Variants in DPP6 observed in about 807,000 individuals in gnomAD.
DPP6 encodes the protein dipeptidyl peptidase like 6.
A neutral mutation model predicts 122.6 loss-of-function variants in DPP6; 69 were observed. The ratio of observed to expected loss-of-function variants is 0.56; its 90% CI spans 0.46 to 0.69. The LOEUF is 0.69. Ranked by LOEUF, DPP6 falls within the 30% of genes least tolerant of loss-of-function variation. The pLI is 0.00. For synonymous variants in DPP6, 418 were observed against 433.1 expected (o/e 0.97, Z 0.43); for missense variants, 928 against 1,116.9 (o/e 0.83, Z 2.41).
intron 1 of DPP6, among the ~76,000 whole-genome samples, chr7:153,890,599 GGC>G (rs1173652781): frequency 6.6e-6 from 1 of 151,900 alleles, no homozygotes; most frequent in Non-Finnish European, 1.5e-5. Context: ...ATTAAGAGAA[GGC>G]AGATGCACCA....
intron 1 of DPP6, among the ~76,000 whole-genome samples, chr7:154,394,037 C>G (rs1269776423): frequency 6.6e-6 from 1 of 152,144 alleles, no homozygotes; most frequent in Non-Finnish European, 1.5e-5. Flanking sequence ...TTTTGCTCAT[C>G]CATTTATCAG....
intron 1 of DPP6, among the ~76,000 whole-genome samples, chr7:154,065,856 G>C (rs2150499057): frequency 6.6e-6 from 1 of 152,052 alleles, no homozygotes; most frequent in African/African-American, 2.4e-5. Flanking sequence ...TCTTCTGACT[G>C]GCCTGCATGA....
chr7:153,894,699 C>T (rs1799335748), intron 1 of DPP6, among the ~76,000 whole-genome samples: 1 of 152,164 alleles, frequency 6.6e-6, no homozygotes, highest in Non-Finnish European at 1.5e-5. Context: ...AGTACCCACC[C>T]CTGGCCTAGA....
At chr7:154,090,858 T>A (rs373792474) in intron 1 of DPP6, among the ~76,000 whole-genome samples, 2 of 150,050 alleles carry the variant, frequency 1.3e-5, no homozygotes, top group East Asian at 2.0e-4. Flanking sequence ...CGGTGGCTCA[T>A]GCCTGTAATC....
chr7:154,387,342 C>T (rs1814208704), intron 1 of DPP6, among the ~76,000 whole-genome samples: 1 of 152,128 alleles, frequency 6.6e-6, no homozygotes, highest in African/African-American at 2.4e-5. Context: ...GGGAGGGAGT[C>T]ATGTCCATAA....
chr7:154,574,733 TGTG>T (rs1428473850), intron 5 of DPP6, among the ~76,000 whole-genome samples: 1 of 131,874 alleles, frequency 7.6e-6, no homozygotes, highest in East Asian at 2.4e-4. Context: ...GGTGTACGTG[TGTG>T]GTGTGTGTAT....
At chr7:154,219,323 G>A (rs141901469) in intron 1 of DPP6, among the ~76,000 whole-genome samples, 3 of 152,320 alleles carry the variant, frequency 2.0e-5, no homozygotes, top group African/African-American at 7.2e-5. Context: ...AGTAGTGGGA[G>A]TTAGATATTT....
rs757755368 is a variant in DPP6 at position 154,456,738 on chromosome 7, A to AGAGGG, written c.358+10410_358+10411insGAGGG. The stretch of plus-strand genomic sequence containing the variant: ...ACATGTGTTCTTATAAGAAGGAAAT[A>AGAGGG]AGAATGCTTGTGATTTTTGTACATT... On this transcript the variant is annotated intron_variant, in intron 2 of 25. Coordinates refer to ENST00000377770, the MANE Select transcript of DPP6 (RefSeq NM_130797.4). Among the ~76,000 whole-genome samples the AGAGGG allele has an allele frequency of 3.8e-3, 435 of 113,808 alleles. 65 individuals carry two copies. The highest frequency in any genetic ancestry group is 5.4e-3 in the Admixed American group (59 of 10,944). 74.7% of individuals were successfully genotyped at this position (113,808 alleles called of 152,430 possible). A position where few individuals can be genotyped will look rare whatever the true frequency, so the allele number is the denominator to read the frequency against.
intron 3 of DPP6, among the ~76,000 whole-genome samples, chr7:154,498,284 A>G (rs1019985891): frequency 2.6e-5 from 4 of 152,218 alleles, no homozygotes; most frequent in African/African-American, 9.6e-5. Context: ...TTAACCAAAT[A>G]CGCAATGAAT....
intron 1 of DPP6, among the ~76,000 whole-genome samples, chr7:154,024,068 A>G (rs1161778893): frequency 6.6e-6 from 1 of 152,146 alleles, no homozygotes; most frequent in Non-Finnish European, 1.5e-5. Context: ...CAGGAGAGGA[A>G]TTTATCCTAC....
In DPP6 at chr7:154,760,872, T is replaced by C. The variant is rs1391243089; in HGVS notation, c.884-8545T>C. Among the ~76,000 whole-genome samples, 5 of 151,370 alleles carry C rather than the reference T, an allele frequency of 3.3e-5. No individual in the cohort carries two copies. The highest frequency in any genetic ancestry group is 7.3e-5 in the African/African-American group (3 of 41,176). On this transcript the variant is annotated intron_variant, in intron 8 of 25. Transcript: ENST00000377770. This position sits in a 1 kb window ranked among gnomAD's most constrained non-coding sequence, Gnocchi z 4.5. ...TTTTTTTTGAGACAGTCTTGCTGTG[T>C]CGCCCAGGCTTGAGTGCAATGGTGC...
intron 1 of DPP6, among the ~76,000 whole-genome samples, chr7:154,202,196 C>T (rs1799210013): frequency 6.6e-6 from 1 of 152,170 alleles, no homozygotes; most frequent in Non-Finnish European, 1.5e-5. Context: ...ATTCCAGATG[C>T]CTGGTGTGTT....
chr7:154,518,166 A>C (rs1368228222), intron 3 of DPP6, among the ~76,000 whole-genome samples: 1 of 152,224 alleles, frequency 6.6e-6, no homozygotes, highest in Non-Finnish European at 1.5e-5. Context: ...CAACCCGTAA[A>C]GATTAGCTGA....
chr7:154,220,872 C>T (rs539803360), intron 1 of DPP6, among the ~76,000 whole-genome samples: 9 of 152,302 alleles, frequency 5.9e-5, no homozygotes, highest in African/African-American at 2.2e-4. Context: ...TTTGCTGTGG[C>T]TCTTCTGGAG....
intron 1 of DPP6, among the ~76,000 whole-genome samples, chr7:154,227,886 C>T (rs1010931287): frequency 1.3e-5 from 2 of 152,170 alleles, no homozygotes; most frequent in African/African-American, 4.8e-5. Flanking sequence ...TGCCTTTTAT[C>T]CTATGATTCA....
intron 1 of DPP6, among the ~76,000 whole-genome samples, chr7:153,957,080 T>G (rs997562074): frequency 6.6e-6 from 1 of 152,232 alleles, no homozygotes. Context: ...GTCGATTACC[T>G]GAGGAGAGAT....
At chr7:153,836,352 G>A in the DPP6 span, among the ~76,000 whole-genome samples, 3 of 152,058 alleles carry the variant, frequency 2.0e-5, no homozygotes, top group African/African-American at 4.8e-5. Context: ...TGGGGTGGGG[G>A]TACAGGGGGA....
At chr7:154,009,614 G>A (rs1798071075) in intron 1 of DPP6, among the ~76,000 whole-genome samples, 1 of 151,952 alleles carries the variant, frequency 6.6e-6, no homozygotes, top group South Asian at 2.1e-4. Context: ...CCCTGCCATG[G>A]CTCACATTCA....
At chr7:153,950,623 C>A (rs1802165884) in intron 1 of DPP6, among the ~76,000 whole-genome samples, 1 of 152,180 alleles carries the variant, frequency 6.6e-6, no homozygotes, top group Non-Finnish European at 1.5e-5. Context: ...TTGGCAGCCC[C>A]TTAGGCGGTG....
Sources: allele counts gnomAD v4.1 joint callset (sites outside exome capture counted in the v4.1 genomes callset), GRCh38; gene constraint gnomAD v4.1.1; non-coding constraint Gnocchi (gnomAD v3.1); transcripts MANE v1.5; gene names NCBI Gene and HGNC (gene_info 2026-07-23, HGNC 2026-07-21).